CSMD1: variants seen among roughly 807,000 people sequenced by gnomAD.
CSMD1 encodes CUB and Sushi multiple domains 1.
CSMD1 carries 213 observed loss-of-function variants against 417.5 expected under a neutral mutation model. The observed-to-expected ratio is 0.51, with a 90% CI of 0.46 to 0.57. The LOEUF (loss-of-function observed/expected upper bound fraction) is 0.57. Among genes scored for constraint, CSMD1 ranks in the 20% least tolerant of loss-of-function variants. The probability of loss-of-function intolerance (pLI) is 0.00; values close to 1 mark genes in which losing one functional copy is unlikely to be tolerated. For missense variants in CSMD1, 6,923 were observed against 4,529.7 expected (o/e 1.53, Z -15.17); for synonymous variants, 2,862 against 1,736.8 (o/e 1.65, Z -16.11).
rs192701985 is a variant in CSMD1, at chr8:4,518,931, A to G, written c.303-98866T>C. Reference sequence around the variant, plus strand: ...AATCGTGTCATGAGTTAAAGAATTTATCAGCCTAATAGACACATTCTCCCT... The same window carrying G: ...AATCGTGTCATGAGTTAAAGAATTTGTCAGCCTAATAGACACATTCTCCCT... On this transcript the variant is annotated intron_variant, in intron 2 of 69. Transcript: ENST00000635120. Among the ~76,000 whole-genome samples the G allele has an allele frequency of 7.1e-4, 108 of 152,300 alleles. No individual in the cohort carries two copies. In the East Asian group the frequency reaches 0.018, roughly 26 times the overall value.
chr8:4,537,468 T>G (rs969985233), intron 2 of CSMD1, among the ~76,000 whole-genome samples: 12 of 152,196 alleles, frequency 7.9e-5, no homozygotes, highest in African/African-American at 2.9e-4. Flanking sequence ...CTAATTGCTA[T>G]AAGGCTAATA....
chr8:4,875,586 T>C (rs1332661406), intron 1 of CSMD1, among the ~76,000 whole-genome samples: 1 of 152,082 alleles, frequency 6.6e-6, no homozygotes, highest in Non-Finnish European at 1.5e-5. Context: ...GATTCGAAGC[T>C]GGTTTTGCCC....
At chr8:3,418,923 C>T (rs146709508) in intron 12 of CSMD1, among the ~76,000 whole-genome samples, 87 of 152,296 alleles carry the variant, frequency 5.7e-4, no homozygotes, top group African/African-American at 2.0e-3. Flanking sequence ...CCTCAGAATA[C>T]ATGAAAGGTA....
At chr8:3,550,806 G>C (rs542248898) in intron 10 of CSMD1, among the ~76,000 whole-genome samples, 4 of 152,310 alleles carry the variant, frequency 2.6e-5, no homozygotes, top group Non-Finnish European at 5.9e-5. Context: ...CAGGCACCTC[G>C]TGAATACTTG....
intron 3 of CSMD1, among the ~76,000 whole-genome samples, chr8:4,299,590 C>A (rs1013630833): frequency 6.6e-6 from 1 of 152,134 alleles, no homozygotes; most frequent in Non-Finnish European, 1.5e-5. Context: ...GAAATATGCC[C>A]CATATTGGCC....
At chr8:3,825,595 G>A (rs555997137) in intron 5 of CSMD1, among the ~76,000 whole-genome samples, 178 of 152,236 alleles carry the variant, frequency 1.2e-3, no homozygotes, top group African/African-American at 4.0e-3. Flanking sequence ...GTGGGGGAAG[G>A]GATTAATAGA....
At chr8:4,633,329 C>T (rs1411214624) in intron 2 of CSMD1, among the ~76,000 whole-genome samples, 2 of 151,904 alleles carry the variant, frequency 1.3e-5, no homozygotes, top group African/African-American at 2.4e-5. Flanking sequence ...TCACTGAAAG[C>T]TCCGCCTCCC....
At chr8:3,105,188 C>T (rs1238911545) in intron 46 of CSMD1, among the ~76,000 whole-genome samples, 2 of 152,150 alleles carry the variant, frequency 1.3e-5, no homozygotes, top group Non-Finnish European at 2.9e-5. Flanking sequence ...AAAAATAAAG[C>T]GGATAAATCA....
chr8:3,690,185 C>T (rs1047423656), intron 7 of CSMD1, among the ~76,000 whole-genome samples: 2 of 152,090 alleles, frequency 1.3e-5, no homozygotes, highest in Admixed American at 6.5e-5. Flanking sequence ...AGGGCAAGGC[C>T]CTGTCTCTAC....
chr8:4,485,790 T>A (rs1233537567), intron 2 of CSMD1, among the ~76,000 whole-genome samples: 1 of 152,114 alleles, frequency 6.6e-6, no homozygotes, highest in Non-Finnish European at 1.5e-5. Context: ...GAAATGCATC[T>A]GCTACTGACA....
intron 3 of CSMD1, among the ~76,000 whole-genome samples, chr8:4,320,345 C>A (rs1334168946): frequency 1.3e-5 from 2 of 152,156 alleles, no homozygotes; most frequent in Admixed American, 1.3e-4. Context: ...CACAAGTCAT[C>A]ACACAAATAA....
chr8:4,018,011 T>G (rs941897293), intron 4 of CSMD1, among the ~76,000 whole-genome samples: 2 of 152,196 alleles, frequency 1.3e-5, no homozygotes, highest in Non-Finnish European at 2.9e-5. Flanking sequence ...TGAGTATGGT[T>G]TGTCCACTCG....
chr8:3,817,865 C>T lies in CSMD1; in HGVS notation c.819-63823G>A, dbSNP rs74423285. Among the ~76,000 whole-genome samples the T allele has an allele frequency of 7.2e-5, 11 of 152,258 alleles. No homozygotes were observed. In the East Asian group the frequency reaches 1.2e-3, roughly 16 times the overall value. On this transcript the variant is annotated intron_variant, in intron 5 of 69. Coordinates refer to ENST00000635120, the MANE Select transcript of CSMD1 (RefSeq NM_033225.6). ...CCCAGAGTCCAGAGCATACCCTTCA[C>T]GGCTTCACACTAAGGACATTCTTGC...
chr8:4,037,343 T>C (rs1474355482), intron 3 of CSMD1, among the ~76,000 whole-genome samples: 1 of 152,196 alleles, frequency 6.6e-6, no homozygotes, highest in South Asian at 2.1e-4. Context: ...TACCAAGCAC[T>C]TGAAGTGAGC....
At chr8:3,228,268 C>G (rs778396160) in intron 27 of CSMD1, among the ~76,000 whole-genome samples, 45 of 152,134 alleles carry the variant, frequency 3.0e-4, no homozygotes, top group Non-Finnish European at 5.6e-4. Flanking sequence ...TGTTTTGAAT[C>G]TTTGAAACAG....
intron 18 of CSMD1, among the ~76,000 whole-genome samples, chr8:3,384,724 T>TA (rs1810872192): frequency 8.3e-6 from 1 of 121,124 alleles, no homozygotes; most frequent in Non-Finnish European, 1.7e-5. Context: ...ATTTATAATA[T>TA]TTATATATAT....
chr8:3,334,621 T>C (rs1807128049), intron 23 of CSMD1, among the ~76,000 whole-genome samples: 1 of 152,248 alleles, frequency 6.6e-6, no homozygotes, highest in South Asian at 2.1e-4. Flanking sequence ...TCTTCAGAAT[T>C]AGTCGTCAAT....
intron 3 of CSMD1, among the ~76,000 whole-genome samples, chr8:4,054,608 C>T (rs1362556814): frequency 6.6e-6 from 1 of 152,114 alleles, no homozygotes; most frequent in Non-Finnish European, 1.5e-5. Context: ...GTGTATTTAG[C>T]TTATTTCCCC....
intron 47 of CSMD1, among the ~76,000 whole-genome samples, chr8:3,094,724 G>C (rs1815177000): frequency 6.9e-6 from 1 of 144,874 alleles, no homozygotes; most frequent in African/African-American, 2.6e-5. Context: ...ATATACTCTT[G>C]AGATAATAAA....
Sources: gnomAD v4.1 joint callset for allele counts (sites outside exome capture counted in the v4.1 genomes callset) on GRCh38, gnomAD v4.1.1 for gene constraint, MANE v1.5 for transcripts, NCBI Gene and HGNC (gene_info 2026-07-23, HGNC 2026-07-21) for gene names.